ENPP6: variants seen among roughly 807,000 people sequenced by gnomAD.
The protein encoded by ENPP6 is ectonucleotide pyrophosphatase/phosphodiesterase 6.
In ENPP6, 32 loss-of-function variants were observed where a neutral mutation model predicts 42.0. The ratio of observed to expected loss-of-function variants is 0.76; its 90% CI spans 0.58 to 1.02. ENPP6 has a LOEUF of 1.02. Among genes scored for constraint, ENPP6 ranks in the 50% least tolerant of loss-of-function variants. The pLI is 0.00. For missense variants in ENPP6, 552 were observed against 566.8 expected, an observed-to-expected ratio of 0.97 and a Z score of 0.27; for synonymous variants, 213 against 216.0, an observed-to-expected ratio of 0.99 and a Z score of 0.12.
At chr4:184,147,381 A>G (rs986122445) in intron 2 of ENPP6, among the ~76,000 whole-genome samples, 5 of 152,034 alleles carry the variant, frequency 3.3e-5, no homozygotes, top group East Asian at 1.9e-4. Flanking sequence ...GGATGTCTCC[A>G]TTCCATTCAG....
rs114420273 is a variant in ENPP6, at chr4:184,123,103, G to A, written c.533+1058C>T. 5.3e-3 allele frequency among the ~76,000 whole-genome samples: 809 copies of A among 152,278 alleles called. 9 individuals carry two copies. Among genetic ancestry groups the A allele is most frequent in the South Asian group, 0.037 (180 of 4,814 alleles). ...TCCCTGGACCCTCTTGATAGGTTTC[G>A]TGGAAGTGGAATCATTCTAAGAAGC... On this transcript the variant is annotated intron_variant, in intron 3 of 7. Transcript: ENST00000296741.
intron 7 of ENPP6, among the ~76,000 whole-genome samples, chr4:184,092,280 A>G (rs1453405591): frequency 6.6e-6 from 1 of 152,074 alleles, no homozygotes; most frequent in Non-Finnish European, 1.5e-5. Flanking sequence ...TCCTAAATAC[A>G]TTTGGAAGAT....
At chr4:184,166,981 G>A (rs1304431406) in intron 1 of ENPP6, among the ~76,000 whole-genome samples, 1 of 152,198 alleles carries the variant, frequency 6.6e-6, no homozygotes, top group East Asian at 1.9e-4. Flanking sequence ...CTTGACCCAG[G>A]ACAGAAATTC....
At chr4:184,207,336 A>C (rs1733018122) in intron 1 of ENPP6, among the ~76,000 whole-genome samples, 1 of 152,244 alleles carries the variant, frequency 6.6e-6, no homozygotes, top group Non-Finnish European at 1.5e-5. Context: ...CCTTAGCAAA[A>C]TGATGCTAAG....
At chr4:184,095,469 G>C (rs535519651) in intron 7 of ENPP6, among the ~76,000 whole-genome samples, 1 of 152,040 alleles carries the variant, frequency 6.6e-6, no homozygotes, top group East Asian at 1.9e-4. Context: ...AGACCAGCCT[G>C]GCCAATATGG....
rs143131289 is a variant in ENPP6 at position 184,119,217 on chromosome 4, G to C, written c.534-1317C>G. ...TTATTTTTGTCTGATGGAGAAAGCA[G>C]CTCTAACATTATGGTTTGATTATCC... is the stretch of plus-strand genomic sequence containing the variant. On this transcript the variant is annotated intron_variant, in intron 3 of 7. Coordinates refer to ENST00000296741, the MANE Select transcript of ENPP6 (RefSeq NM_153343.4). Among the ~76,000 whole-genome samples the C allele has an allele frequency of 9.9e-4, 151 of 152,126 alleles. 4 individuals are homozygous for C. In the South Asian group the frequency reaches 0.02, roughly 20 times the overall value.
intron 2 of ENPP6, among the ~76,000 whole-genome samples, chr4:184,135,756 C>T (rs1471282087): frequency 4.6e-5 from 7 of 152,120 alleles, no homozygotes; most frequent in Non-Finnish European, 1.0e-4. Context: ...TGAGTACCCA[C>T]GTCAGAAAAC....
intron 1 of ENPP6, among the ~76,000 whole-genome samples, chr4:184,207,633 C>T (rs1056767050): frequency 2.6e-5 from 4 of 152,244 alleles, no homozygotes; most frequent in African/African-American, 7.2e-5. Flanking sequence ...CACACCACGC[C>T]GGTGGCTGTT....
intron 1 of ENPP6, among the ~76,000 whole-genome samples, chr4:184,217,313 T>C (rs1733212913): frequency 6.6e-6 from 1 of 152,170 alleles, no homozygotes; most frequent in Non-Finnish European, 1.5e-5. Flanking sequence ...ACTTTTAATA[T>C]CGTCAAATAT....
intron 1 of ENPP6, 112 bp downstream of exon 1, chr4:184,217,467 A>G: frequency 7.0e-7 from 1 of 1,433,966 alleles, no homozygotes; most frequent in Non-Finnish European, 9.5e-7. Flanking sequence ...TTGATGTCCC[A>G]AAGGACTAGA....
Position 184,216,219 on chromosome 4 carries a change from T to C in ENPP6, c.241+1360A>G, listed in dbSNP as rs141724813. On this transcript the variant is annotated intron_variant, in intron 1 of 7. Transcript: ENST00000296741. ...ATGTGAGAGCCGGCAGCCTGCAAAC[T>C]GCTTCCCTGCAAGGGGAGACACATG... is the stretch of plus-strand genomic sequence containing the variant. Among the ~76,000 whole-genome samples, 415 of 152,356 alleles carry C rather than the reference T, an allele frequency of 2.7e-3. 2 individuals are homozygous for C. Among genetic ancestry groups the C allele is most frequent in the African/African-American group, 9.3e-3 (386 of 41,592 alleles).
At chr4:184,145,338 C>T (rs559293571) in intron 2 of ENPP6, among the ~76,000 whole-genome samples, 2 of 152,258 alleles carry the variant, frequency 1.3e-5, no homozygotes, top group East Asian at 3.9e-4. Context: ...CCCTTCCTTT[C>T]TATCCTCTCC....
At chr4:184,164,048 T>G (rs1240935268) in intron 1 of ENPP6, among the ~76,000 whole-genome samples, 3 of 152,208 alleles carry the variant, frequency 2.0e-5, no homozygotes, top group Non-Finnish European at 4.4e-5. Context: ...CACAGGGACC[T>G]GGGCTGTGGG....
At chr4:184,217,509 C>A (rs1417036626) in intron 1 of ENPP6, 70 bp downstream of exon 1, 22 of 1,586,020 alleles carry the variant, frequency 1.4e-5, no homozygotes, top group Non-Finnish European at 1.5e-5. Context: ...GACTCCAATG[C>A]CAGGAGCTCA....
intron 1 of ENPP6, among the ~76,000 whole-genome samples, chr4:184,157,774 ATTTTTT>A (rs34358499): frequency 8.2e-6 from 1 of 122,360 alleles, no homozygotes; most frequent in Non-Finnish European, 1.6e-5. Context: ...AACTTGGCTA[ATTTTTT>A]TTTTTTTTTT....
At chr4:184,131,331 C>CTTCT (rs1395422140) in intron 2 of ENPP6, among the ~76,000 whole-genome samples, 7 of 122,936 alleles carry the variant, frequency 5.7e-5, no homozygotes, top group Admixed American at 2.8e-4. Context: ...CTCTCTCTTT[C>CTTCT]TTCTTTCTTT....
At chr4:184,131,196 TC>T (rs1457413984) in intron 2 of ENPP6, among the ~76,000 whole-genome samples, 5 of 54,318 alleles carry the variant, frequency 9.2e-5, no homozygotes, top group African/African-American at 1.4e-4. Flanking sequence ...TTTCTTTCTT[TC>T]TTTCTTCTTT....
chr4:184,095,956 G>A (rs1351138482), intron 7 of ENPP6, among the ~76,000 whole-genome samples: 3 of 152,136 alleles, frequency 2.0e-5, no homozygotes, highest in Admixed American at 2.0e-4. Context: ...GGGAGCACCT[G>A]ATAACTATCA....
intron 1 of ENPP6, among the ~76,000 whole-genome samples, chr4:184,207,991 C>T (rs1056930939): frequency 8.7e-6 from 1 of 114,994 alleles, no homozygotes; most frequent in Non-Finnish European, 1.9e-5. Context: ...TGGAATAGCC[C>T]GCTCTAATGG....
Sources: allele counts gnomAD v4.1 joint callset (sites outside exome capture counted in the v4.1 genomes callset), GRCh38; gene constraint gnomAD v4.1.1; transcripts MANE v1.5; gene names NCBI Gene and HGNC (gene_info 2026-07-23, HGNC 2026-07-21).